The following ITGBL1 variants were observed in gnomAD, a reference collection of about 807,000 sequenced individuals.
The protein encoded by ITGBL1 is integrin subunit beta like 1, also known as integrin beta-like protein 1.
Under a neutral mutation model 68.5 loss-of-function variants are expected in ITGBL1, and 51 were observed. The observed-to-expected ratio is 0.74, with a 90% CI of 0.59 to 0.94. The LOEUF (loss-of-function observed/expected upper bound fraction) is 0.94, where lower values mean the gene tolerates loss of function less well. Among genes scored for constraint, ITGBL1 ranks in the 40% least tolerant of loss-of-function variants. The probability of loss-of-function intolerance (pLI) is 0.00; values close to 1 mark genes in which losing one functional copy is unlikely to be tolerated. For missense variants in ITGBL1, 649 were observed against 647.4 expected (o/e 1.00, Z -0.03); for synonymous variants, 209 against 227.3 (o/e 0.92, Z 0.72).
chr13:101,525,594 G>A (rs190917024), intron 2 of ITGBL1, among the ~76,000 whole-genome samples: 226 of 151,040 alleles, frequency 1.5e-3, no homozygotes, highest in African/African-American at 4.9e-3. Context: ...GATGAATTCC[G>A]TGTCTATTTT....
intron 2 of ITGBL1, among the ~76,000 whole-genome samples, chr13:101,474,538 A>G (rs892692956): frequency 1.3e-5 from 2 of 152,146 alleles, no homozygotes; most frequent in African/African-American, 2.4e-5. Flanking sequence ...TCAGTTTGCA[A>G]CCTGCTGACT....
At chr13:101,508,818 T>A (rs1348203005) in intron 2 of ITGBL1, among the ~76,000 whole-genome samples, 4 of 152,178 alleles carry the variant, frequency 2.6e-5, no homozygotes, top group African/African-American at 9.6e-5. Flanking sequence ...GTTTTCAATA[T>A]TTCAACTCTT....
At chr13:101,630,013 G>A (rs560655700) in intron 7 of ITGBL1, among the ~76,000 whole-genome samples, 129 of 152,018 alleles carry the variant, frequency 8.5e-4, no homozygotes, top group African/African-American at 2.9e-3. Context: ...TAGTAGAGAC[G>A]GGGTTTCATC....
chr13:101,714,254 C>A (rs1378958274), intron 9 of ITGBL1, 184 bp from the exon 10 acceptor site: 6 of 592,792 alleles, frequency 1.0e-5, no homozygotes, highest in Non-Finnish European at 1.5e-5. Context: ...TGAAGGCTTT[C>A]CTGGGTGACC....
At position 101,492,463 on chromosome 13, in the gene ITGBL1, A is replaced by G. The variant is rs1364518350; in HGVS notation, c.316+38363A>G. ...GCTGACACAGTTTATTGCAGTTTTT[A>G]GGACCTTTTTGTAATTTACAGTGGA... On this transcript the variant is annotated intron_variant, in intron 2 of 10. Coordinates refer to ENST00000376180, the MANE Select transcript of ITGBL1 (RefSeq NM_004791.3). 2.0e-5 allele frequency among the ~76,000 whole-genome samples: 3 copies of G among 152,154 alleles called. No individual in the cohort carries two copies. The East Asian group carries it at 5.8e-4, about 29-fold the overall frequency.
At chr13:101,639,897 T>C (rs986432081) in intron 7 of ITGBL1, among the ~76,000 whole-genome samples, 1 of 152,190 alleles carries the variant, frequency 6.6e-6, no homozygotes, top group African/African-American at 2.4e-5. Flanking sequence ...TCTTTACTGA[T>C]TGAAGGGTTC....
intron 6 of ITGBL1, among the ~76,000 whole-genome samples, chr13:101,595,807 AAG>A (rs954935692): frequency 3.9e-5 from 6 of 152,148 alleles, no homozygotes; most frequent in African/African-American, 1.4e-4. Flanking sequence ...AAAAATCAAA[AAG>A]AGAATTATAT....
chr13:101,477,082 A>C (rs1368690408), intron 2 of ITGBL1, among the ~76,000 whole-genome samples: 1 of 152,158 alleles, frequency 6.6e-6, no homozygotes, highest in Non-Finnish European at 1.5e-5. Flanking sequence ...AGGGTAGACT[A>C]TATGTTAGGC....
chr13:101,494,341 G>A (rs974143169), intron 2 of ITGBL1, among the ~76,000 whole-genome samples: 4 of 152,126 alleles, frequency 2.6e-5, no homozygotes, highest in East Asian at 3.9e-4. Flanking sequence ...TCTTCAGATT[G>A]TATTTATGAT....
At chr13:101,468,866 T>C (rs928542412) in intron 2 of ITGBL1, among the ~76,000 whole-genome samples, 1 of 152,176 alleles carries the variant, frequency 6.6e-6, no homozygotes, top group Non-Finnish European at 1.5e-5. Flanking sequence ...TTTAGAGAGA[T>C]TGCATTTAAC....
At chr13:101,605,138 G>GA (rs1206608420) in intron 7 of ITGBL1, among the ~76,000 whole-genome samples, 1 of 141,058 alleles carries the variant, frequency 7.1e-6, no homozygotes, top group Non-Finnish European at 1.5e-5. Flanking sequence ...GTGTATATGT[G>GA]TATATATACA....
intron 7 of ITGBL1, among the ~76,000 whole-genome samples, chr13:101,631,379 A>AT (rs113975835): frequency 0.13 from 18,785 of 148,118 alleles, 1,689 homozygotes; most frequent in African/African-American, 0.26. Context: ...TTTCCCAGTG[A>AT]TTTTTTTTTT....
chr13:101,482,091 T>G (rs776098268), intron 2 of ITGBL1, among the ~76,000 whole-genome samples: 2 of 152,194 alleles, frequency 1.3e-5, no homozygotes, highest in Non-Finnish European at 2.9e-5. Flanking sequence ...TATTACGTAA[T>G]GAGCATGTAT....
At chr13:101,679,395 C>G (rs748034908) in intron 7 of ITGBL1, among the ~76,000 whole-genome samples, 11 of 152,178 alleles carry the variant, frequency 7.2e-5, no homozygotes, top group Non-Finnish European at 1.3e-4. Context: ...TGTCAAAGAT[C>G]AGCCAGTATT....
chr13:101,477,463 C>G (rs9557668), intron 2 of ITGBL1, among the ~76,000 whole-genome samples: 136 of 151,716 alleles, frequency 9.0e-4, no homozygotes, highest in African/African-American at 3.2e-3. Flanking sequence ...CCCCAAATTA[C>G]TGGAAGAAAA....
chr13:101,546,303 A>C (rs887855976), intron 2 of ITGBL1, among the ~76,000 whole-genome samples: 3 of 152,216 alleles, frequency 2.0e-5, no homozygotes, highest in Non-Finnish European at 2.9e-5. Context: ...GGTGGTGGTT[A>C]CATGGCTTTA....
chr13:101,503,266 A>G lies in ITGBL1; in HGVS notation c.316+49166A>G, dbSNP rs554345828. ...TTGTACACATCTTTCCTAACCCTCT[A>G]TTCCTTGGACTGTTTGTACTCAGGG... On this transcript the variant is annotated intron_variant, in intron 2 of 10. Coordinates refer to ENST00000376180, the MANE Select transcript of ITGBL1 (RefSeq NM_004791.3). 5.9e-5 allele frequency among the ~76,000 whole-genome samples: 9 copies of G among 152,228 alleles called. No homozygotes were observed. The East Asian group carries it at 1.7e-3, about 29-fold the overall frequency.
At chr13:101,541,053 T>C (rs1274653467) in intron 2 of ITGBL1, among the ~76,000 whole-genome samples, 1 of 137,994 alleles carries the variant, frequency 7.2e-6, no homozygotes, top group African/African-American at 2.8e-5. Flanking sequence ...TATTTCCTTC[T>C]CCTGCCTGAT....
Position 101,453,876 on chromosome 13 carries a change from C to T in ITGBL1, c.99-7C>T. 8.1e-7 allele frequency: 1 copy of T among 1,237,848 alleles called. No individual in the cohort carries two copies. Among genetic ancestry groups the T allele is most frequent in the Non-Finnish European group, 1.0e-6 (1 of 992,374 alleles). 76.7% of individuals were successfully genotyped at this position (1,237,848 alleles called of 1,614,324 possible). On this transcript the variant is annotated splice_polypyrimidine_tract_variant and splice_region_variant and intron_variant, in intron 1 of 10. Coordinates refer to ENST00000376180, the MANE Select transcript of ITGBL1 (RefSeq NM_004791.3). ...CCCGGCCTGCCGGTTGCTTGTCGCCCGCGCAGGAGCTGGCCGGGCGCCGCC... is the reference window on the plus strand; with the variant it reads ...CCCGGCCTGCCGGTTGCTTGTCGCCTGCGCAGGAGCTGGCCGGGCGCCGCC...
Sources: gnomAD v4.1 joint callset for allele counts (sites outside exome capture counted in the v4.1 genomes callset) on GRCh38, gnomAD v4.1.1 for gene constraint, MANE v1.5 for transcripts, NCBI Gene and HGNC (gene_info 2026-07-23, HGNC 2026-07-21) for gene names.